MGST1: variants seen among roughly 807,000 people sequenced by gnomAD.
MGST1 encodes the protein microsomal glutathione S-transferase 1.
A neutral mutation model predicts 8.9 loss-of-function variants in MGST1; 5 were observed. The ratio of observed to expected loss-of-function variants is 0.56; its 90% CI spans 0.29 to 1.19. The LOEUF (loss-of-function observed/expected upper bound fraction) is 1.19, where lower values mean the gene tolerates loss of function less well. Ranked by LOEUF, MGST1 falls within the 50% of genes most tolerant of loss-of-function variation. The pLI is 0.08. For synonymous variants in MGST1, 54 were observed against 67.8 expected, an observed-to-expected ratio of 0.80 and a Z score of 1.00; for missense variants, 182 against 187.4, an observed-to-expected ratio of 0.97 and a Z score of 0.17.
chr12:16,475,785 T>A (rs1243523287), intron 4 of MGST1, among the ~76,000 whole-genome samples: 1 of 152,098 alleles, frequency 6.6e-6, no homozygotes, highest in Non-Finnish European at 1.5e-5. Flanking sequence ...TGCACTCCCT[T>A]CCCAGGTGGC....
At chr12:16,490,497 A>T (rs1419425886) in intron 4 of MGST1, among the ~76,000 whole-genome samples, 1 of 152,178 alleles carries the variant, frequency 6.6e-6, no homozygotes, top group Non-Finnish European at 1.5e-5. Context: ...TTTTTTTACA[A>T]AGCATAACTC....
chr12:16,373,602 C>A (rs58417152), intron 3 of MGST1, among the ~76,000 whole-genome samples: 4 of 151,742 alleles, frequency 2.6e-5, no homozygotes, highest in Admixed American at 6.6e-5. Flanking sequence ...TTTACTCTGG[C>A]CTTTTACAAA....
intron 2 of MGST1, 112 bp downstream of exon 2, chr12:16,354,490 A>T (rs1939620970): frequency 9.7e-7 from 1 of 1,034,148 alleles, no homozygotes; most frequent in Non-Finnish European, 1.4e-6. Context: ...ACACTGTTTT[A>T]TGCTGTAAGT....
chr12:16,578,979 C>T (rs1462414463), intron 4 of MGST1, among the ~76,000 whole-genome samples: 2 of 152,090 alleles, frequency 1.3e-5, no homozygotes, highest in Non-Finnish European at 2.9e-5. Flanking sequence ...AAGTATATTG[C>T]ATTGTTAAGG....
intron 4 of MGST1, among the ~76,000 whole-genome samples, chr12:16,484,395 C>G (rs1455227717): frequency 6.6e-6 from 1 of 150,976 alleles, no homozygotes; most frequent in Non-Finnish European, 1.5e-5. Context: ...GATAAAGAAT[C>G]TGTTTTTTGT....
chr12:16,533,521 T>C (rs142375696), intron 4 of MGST1, among the ~76,000 whole-genome samples: 1 of 152,310 alleles, frequency 6.6e-6, no homozygotes, highest in East Asian at 1.9e-4. Context: ...TTCTTCAAGC[T>C]CATCAGGCTC....
chr12:16,395,798 TATATATACAC>T (rs1940600511), intron 1 of MGST1, among the ~76,000 whole-genome samples: 3 of 134,916 alleles, frequency 2.2e-5, no homozygotes, highest in Non-Finnish European at 3.1e-5. Context: ...TATATATATA[TATATATACAC>T]ACACACACAC....
At position 16,482,027 on chromosome 12, in the gene MGST1, C is replaced by G. The variant is rs935448477; in HGVS notation, n.482+98423C>G. ...ATTTTACACAGAAAGGAATAATAAGCAGATTGACAATGTAAGCTAAGGCAT... is the reference window on the plus strand; with the variant it reads ...ATTTTACACAGAAAGGAATAATAAGGAGATTGACAATGTAAGCTAAGGCAT... On this transcript the variant is annotated intron_variant and non_coding_transcript_variant, in intron 4 of 4. Coordinates refer to the MGST1 transcript ENST00000538857. This position sits in a 1 kb window ranked among gnomAD's most constrained non-coding sequence, Gnocchi z 4.2. Among the ~76,000 whole-genome samples the G allele has an allele frequency of 1.3e-5, 2 of 150,144 alleles. No homozygotes were observed. Among genetic ancestry groups the G allele is most frequent in the African/African-American group, 2.4e-5 (1 of 41,210 alleles).
rs1343654666 is a variant in MGST1 at position 16,548,499 on chromosome 12, ACT to A, written n.483-41026_483-41025del. On this transcript the variant is annotated intron_variant and non_coding_transcript_variant, in intron 4 of 4. Coordinates refer to the MGST1 transcript ENST00000538857. The surrounding 1 kb of genome is among the most constrained non-coding windows in gnomAD (Gnocchi z 4.2). ...ACACAGGTCAACTTTTAAACTCAGC[ACT>A]CTGTTGGAGTGGAGGTGCACGGTCC... The A allele has an allele frequency of 3.3e-5, 5 of 152,130 alleles. No homozygotes were observed. The highest frequency in any genetic ancestry group is 1.2e-4 in the African/African-American group (5 of 41,428). The allele number at this position is 152,130 out of a possible 1,614,324, so 9.4% of individuals were successfully genotyped here.
downstream of MGST1, among the ~76,000 whole-genome samples, chr12:16,366,471 A>G (rs377296412): frequency 2.6e-5 from 4 of 152,228 alleles, no homozygotes; most frequent in Admixed American, 6.5e-5. The surrounding 1 kb of genome is among the most constrained non-coding windows in gnomAD (Gnocchi z 4.0). Context: ...CTGTGTGCTA[A>G]GTGACTTTAA....
chr12:16,534,051 A>G (rs1941739296), intron 4 of MGST1, among the ~76,000 whole-genome samples: 1 of 152,162 alleles, frequency 6.6e-6, no homozygotes, highest in Admixed American at 6.5e-5. Context: ...AGATGAAGCC[A>G]TGCATGTTAT....
At chr12:16,508,363 G>C (rs1027569054) in intron 4 of MGST1, among the ~76,000 whole-genome samples, 2 of 152,098 alleles carry the variant, frequency 1.3e-5, no homozygotes, top group Non-Finnish European at 2.9e-5. Context: ...TGTGTTCCTA[G>C]AGAATCTTGC....
intron 4 of MGST1, among the ~76,000 whole-genome samples, chr12:16,545,214 C>T (rs972032613): frequency 6.6e-6 from 1 of 152,024 alleles, no homozygotes; most frequent in African/African-American, 2.4e-5. Flanking sequence ...ATTAAATTTA[C>T]AAGTTTTGCT....
In MGST1 at chr12:16,547,049, C is replaced by T. The variant is rs551539153; in HGVS notation, n.483-42479C>T. Among the ~76,000 whole-genome samples, 6 of 152,072 alleles carry T rather than the reference C, an allele frequency of 3.9e-5. No homozygotes were observed. The highest frequency in any genetic ancestry group is 1.2e-4 in the African/African-American group (5 of 41,404). ...TCTTGATTATAAAAGTAAAAATATA[C>T]CTTTCTGAATAATACTTTTCTAATA... On this transcript the variant is annotated intron_variant and non_coding_transcript_variant, in intron 4 of 4. Transcript: ENST00000538857. The surrounding 1 kb of genome is among the most constrained non-coding windows in gnomAD (Gnocchi z 4.6).
At chr12:16,565,398 G>T (rs1942565951) in intron 4 of MGST1, among the ~76,000 whole-genome samples, 1 of 152,120 alleles carries the variant, frequency 6.6e-6, no homozygotes, top group Non-Finnish European at 1.5e-5. Flanking sequence ...GATAGAAAAT[G>T]AAAACACTTT....
chr12:16,540,685 C>T (rs1009220010), intron 4 of MGST1, among the ~76,000 whole-genome samples: 2 of 152,186 alleles, frequency 1.3e-5, no homozygotes, highest in African/African-American at 4.8e-5. Flanking sequence ...AATGCCAGCA[C>T]TTTGGGAGGC....
chr12:16,367,288 G>A (rs180820014), downstream of MGST1: 8 of 152,198 alleles, frequency 5.3e-5, no homozygotes, highest in Non-Finnish European at 2.9e-5. Flanking sequence ...TCAAATAGAC[G>A]AGTCTATTTT....
At chr12:16,553,738 T>C (rs1942078628) in intron 4 of MGST1, among the ~76,000 whole-genome samples, 1 of 151,818 alleles carries the variant, frequency 6.6e-6, no homozygotes, top group Non-Finnish European at 1.5e-5. Context: ...TATATAAATA[T>C]AAAGAAATTT....
At chr12:16,551,253 A>G in intron 4 of MGST1, 1 of 1,612,862 alleles carries the variant, frequency 6.2e-7, no homozygotes, top group Non-Finnish European at 8.5e-7. Flanking sequence ...ACCTTCTTTC[A>G]TTAAACCTTC....
Sources: allele counts gnomAD v4.1 joint callset (sites outside exome capture counted in the v4.1 genomes callset), GRCh38; gene constraint gnomAD v4.1.1; non-coding constraint Gnocchi (gnomAD v3.1); transcripts MANE v1.5; gene names NCBI Gene and HGNC (gene_info 2026-07-23, HGNC 2026-07-21).